The following ARAP2 variants were observed in gnomAD, a reference collection of about 807,000 sequenced individuals.
ARAP2 encodes ArfGAP with RhoGAP domain, ankyrin repeat and PH domain 2, also known as arf-GAP with Rho-GAP domain, ANK repeat and PH domain-containing protein 2.
Under a neutral mutation model 194.5 loss-of-function variants are expected in ARAP2, and 148 were observed. The observed-to-expected ratio is 0.76, with a 90% CI of 0.67 to 0.87. The LOEUF is 0.87. ARAP2 is among the 40% of genes least tolerant of loss of function. The pLI is 0.00. For synonymous variants in ARAP2, 695 were observed against 683.5 expected (o/e 1.02, Z -0.26); for missense variants, 2,128 against 1,989.7 (o/e 1.07, Z -1.32).
chr4:36,026,731 T>C (rs1242205563), intron 5 of ARAP2, among the ~76,000 whole-genome samples: 2 of 152,232 alleles, frequency 1.3e-5, no homozygotes, highest in Non-Finnish European at 2.9e-5. Context: ...GCAGTGTTTT[T>C]GATGTGAATT....
chr4:36,024,877 T>C lies in ARAP2; in HGVS notation n.608-5591A>G, dbSNP rs147617736. ...TATACCAAATGTGGGTTTTCTGTTA[T>C]TACAGGCAAAATTAACTTTCTGCTA... On this transcript the variant is annotated intron_variant and non_coding_transcript_variant, in intron 5 of 12. Coordinates refer to the ARAP2 transcript ENST00000503225. Among the ~76,000 whole-genome samples the C allele has an allele frequency of 4.7e-3, 717 of 152,278 alleles. 37 individuals are homozygous for C. Among genetic ancestry groups the C allele is most frequent in the Admixed American group, 0.045 (686 of 15,264 alleles).
intron 2 of ARAP2, among the ~76,000 whole-genome samples, chr4:36,222,785 T>C (rs1749463947): frequency 6.6e-6 from 1 of 152,164 alleles, no homozygotes; most frequent in African/African-American, 2.4e-5. Context: ...CTCTTATGTA[T>C]GTTTGAAATT....
chr4:36,149,433 T>A (rs1452427409), intron 16 of ARAP2, among the ~76,000 whole-genome samples: 1 of 152,212 alleles, frequency 6.6e-6, no homozygotes, highest in East Asian at 1.9e-4. Context: ...TATGTCTATA[T>A]AAATCTTCAG....
At chr4:36,181,327 C>A (rs1038794438) in intron 8 of ARAP2, among the ~76,000 whole-genome samples, 1 of 151,660 alleles carries the variant, frequency 6.6e-6, no homozygotes, top group East Asian at 1.9e-4. Flanking sequence ...AATGTAAATA[C>A]AAAACAATAG....
At chr4:36,102,930 A>C (rs1303032922) in intron 27 of ARAP2, among the ~76,000 whole-genome samples, 1 of 151,928 alleles carries the variant, frequency 6.6e-6, no homozygotes, top group African/African-American at 2.4e-5. Flanking sequence ...TCAATTTCAA[A>C]AAAAAAAGAA....
At chr4:36,189,293 T>C (rs1306716655) in intron 7 of ARAP2, among the ~76,000 whole-genome samples, 2 of 152,174 alleles carry the variant, frequency 1.3e-5, no homozygotes, top group African/African-American at 2.4e-5. Context: ...TTCGTATTTA[T>C]GGGATACATA....
chr4:36,218,580 T>C lies in ARAP2; in HGVS notation c.906-4100A>G, dbSNP rs1359727287. On this transcript the variant is annotated intron_variant, in intron 2 of 32. Coordinates refer to ENST00000303965, the MANE Select transcript of ARAP2 (RefSeq NM_015230.4). ...GAAAATTTACTCCTACCTCAGACAA[T>C]ACACAGAAACCAATTCAAGACAGAT... 5.3e-5 allele frequency among the ~76,000 whole-genome samples: 8 copies of C among 150,700 alleles called. No individual in the cohort carries two copies. The East Asian group carries it at 1.4e-3, about 25-fold the overall frequency.
rs776745100 is a variant in ARAP2 at position 36,212,389 on chromosome 4, C to T, written c.1133+7G>A. 8.1e-6 allele frequency: 13 copies of T among 1,597,090 alleles called. No homozygotes were observed. The highest frequency in any genetic ancestry group is 1.1e-5 in the South Asian group (1 of 90,484). Reference sequence around the variant, plus strand: ...ATAGTTAATCATCATCAATCATGATCTCATACCTTGATTTGATGATAAAAG... The same window carrying T: ...ATAGTTAATCATCATCAATCATGATTTCATACCTTGATTTGATGATAAAAG... On this transcript the variant is annotated splice_region_variant and intron_variant, in intron 5 of 32. Transcript: ENST00000303965.
At chr4:36,193,548 C>T in intron 7 of ARAP2, 30 bp downstream of exon 7, 1 of 1,507,880 alleles carries the variant, frequency 6.6e-7, no homozygotes. Context: ...CATAAAAAAG[C>T]AATTTTTGAA....
At chr4:36,136,800 TGTGTGTGTGTGTGTGTGTGC>T (rs1289756648) in intron 19 of ARAP2, among the ~76,000 whole-genome samples, 1 of 125,190 alleles carries the variant, frequency 8.0e-6, no homozygotes, top group Non-Finnish European at 1.8e-5. Context: ...TGTGTGTGTG[TGTGTGTGTGTGTGTGTGTGC>T]GTGTCTGTGT....
rs1015170479 is a variant in ARAP2 at position 36,053,649 on chromosome 4, T to A, written n.322-1596A>T. On this transcript the variant is annotated intron_variant and non_coding_transcript_variant, in intron 2 of 12. Coordinates refer to the ARAP2 transcript ENST00000503225. ...ACCTTTCTCATTAAAATAAAAATAT[T>A]TCAAATTATCCTTGTAAAATATTTA... Among the ~76,000 whole-genome samples the A allele has an allele frequency of 6.6e-5, 10 of 152,318 alleles. No homozygotes were observed. The South Asian group carries it at 2.1e-3, about 32-fold the overall frequency.
chr4:36,238,712 G>A (rs1365345800), intron 1 of ARAP2, among the ~76,000 whole-genome samples: 1 of 152,118 alleles, frequency 6.6e-6, no homozygotes, highest in Non-Finnish European at 1.5e-5. Flanking sequence ...AGAGTTGAGA[G>A]CCAATGACAA....
chr4:36,169,320 C>T (rs1311686398), intron 9 of ARAP2, among the ~76,000 whole-genome samples: 1 of 152,124 alleles, frequency 6.6e-6, no homozygotes, highest in Non-Finnish European at 1.5e-5. Flanking sequence ...TAAGGGCACA[C>T]ATAATACTCT....
At chr4:36,062,509 A>G (rs957702130), downstream of ARAP2, among the ~76,000 whole-genome samples, 4 of 152,146 alleles carry the variant, frequency 2.6e-5, no homozygotes, top group African/African-American at 9.7e-5. Flanking sequence ...GAAAACCATT[A>G]GGGTCAACTA....
chr4:36,161,415 C>T, intron 12 of ARAP2, 50 bp downstream of exon 12: 1 of 1,493,714 alleles, frequency 6.7e-7, no homozygotes, highest in Non-Finnish European at 9.3e-7. Flanking sequence ...CTCCCAGTCT[C>T]TGCAAACTGA....
chr4:36,070,423 A>T (rs1726570030), intron 32 of ARAP2, among the ~76,000 whole-genome samples: 1 of 152,220 alleles, frequency 6.6e-6, no homozygotes, highest in Admixed American at 6.5e-5. Context: ...AGAGCAAGAG[A>T]TGGCTTGCTA....
At chr4:36,038,330 A>G (rs1720284774) in intron 5 of ARAP2, among the ~76,000 whole-genome samples, 1 of 152,320 alleles carries the variant, frequency 6.6e-6, no homozygotes, top group East Asian at 1.9e-4. Context: ...ATAAAGGATC[A>G]GGGAATAATG....
rs1040951351 is a variant in ARAP2, at chr4:36,199,134, C to T, written c.1488-5487G>A. Among the ~76,000 whole-genome samples the T allele has an allele frequency of 4.6e-5, 7 of 152,368 alleles. No homozygotes were observed. In the East Asian group the frequency reaches 1.2e-3, roughly 25 times the overall value. ...TCTGTAGAGTATGCAGCCCTGGCCA[C>T]ACCTCTCTGCTGCAGCCAGTGTCAT... On this transcript the variant is annotated intron_variant, in intron 6 of 32. Transcript: ENST00000303965.
chr4:36,113,224 C>T (rs1040547695), intron 26 of ARAP2, among the ~76,000 whole-genome samples: 7 of 151,784 alleles, frequency 4.6e-5, no homozygotes, highest in East Asian at 1.9e-4. Flanking sequence ...TTTCTGTGCA[C>T]GAGGAGGATT....
Sources: allele counts gnomAD v4.1 joint callset (sites outside exome capture counted in the v4.1 genomes callset), GRCh38; gene constraint gnomAD v4.1.1; transcripts MANE v1.5; gene names NCBI Gene and HGNC (gene_info 2026-07-23, HGNC 2026-07-21).